OXCT1: variants seen among roughly 807,000 people sequenced by gnomAD.
The protein encoded by OXCT1 is 3-oxoacid CoA-transferase 1.
In OXCT1, 27 loss-of-function variants were observed where a neutral mutation model predicts 69.6. The observed-to-expected ratio is 0.39, with a 90% CI of 0.29 to 0.54. The LOEUF (loss-of-function observed/expected upper bound fraction) is 0.54. Ranked by LOEUF, OXCT1 falls within the 20% of genes least tolerant of loss-of-function variation. The pLI, the probability that OXCT1 is intolerant of heterozygous loss-of-function variation, is 0.72. For synonymous variants in OXCT1, 202 were observed against 217.8 expected (o/e 0.93, Z 0.64); for missense variants, 437 against 650.2 (o/e 0.67, Z 3.57).
chr5:41,745,257 C>T (rs903006897), intron 15 of OXCT1, among the ~76,000 whole-genome samples: 12 of 151,972 alleles, frequency 7.9e-5, no homozygotes, highest in African/African-American at 2.9e-4. Flanking sequence ...TCACTCAAAA[C>T]CACTCAACTA....
intron 7 of OXCT1, among the ~76,000 whole-genome samples, chr5:41,821,483 T>C (rs1747546658): frequency 1.3e-5 from 2 of 152,246 alleles, no homozygotes; most frequent in South Asian, 4.1e-4. Flanking sequence ...AGGAGTGTAA[T>C]TGCTGGATTA....
intron 15 of OXCT1, among the ~76,000 whole-genome samples, chr5:41,740,983 C>T (rs1472791487): frequency 6.7e-6 from 1 of 148,574 alleles, no homozygotes; most frequent in Non-Finnish European, 1.5e-5. Flanking sequence ...CAGAGTCTCA[C>T]TCTGTCACCC....
chr5:41,785,967 T>C lies in OXCT1; in HGVS notation c.1248+8036A>G, dbSNP rs116091127. On this transcript the variant is annotated intron_variant, in intron 13 of 16. Transcript: ENST00000196371. ...TACCTGAGAAAATTAAAGGGGCTGT[T>C]TTGCGGAAGTAACTACACTATCACT... is the stretch of plus-strand genomic sequence containing the variant. 8.0e-3 allele frequency among the ~76,000 whole-genome samples: 1,213 copies of C among 152,200 alleles called. 17 individuals carry two copies. Among genetic ancestry groups the C allele is most frequent in the African/African-American group, 0.028 (1,151 of 41,510 alleles).
chr5:41,844,012 G>A (rs896416414), intron 5 of OXCT1, among the ~76,000 whole-genome samples: 5 of 152,194 alleles, frequency 3.3e-5, no homozygotes, highest in African/African-American at 1.2e-4. Context: ...AACAATGATA[G>A]TTGAGTGTTT....
At chr5:41,822,050 T>C (rs1311199358) in intron 7 of OXCT1, among the ~76,000 whole-genome samples, 1 of 152,216 alleles carries the variant, frequency 6.6e-6, no homozygotes, top group East Asian at 1.9e-4. Flanking sequence ...TTACATTTAG[T>C]TCTTTACTCC....
intron 7 of OXCT1, among the ~76,000 whole-genome samples, chr5:41,835,184 TACTAGGAGCAA>T (rs1748291671): frequency 6.6e-6 from 1 of 152,222 alleles, no homozygotes; most frequent in African/African-American, 2.4e-5. Flanking sequence ...CGTTAGTGGC[TACTAGGAGCAA>T]CTATATGCCA....
intron 7 of OXCT1, among the ~76,000 whole-genome samples, chr5:41,819,785 T>G (rs1034778093): frequency 3.3e-5 from 5 of 152,126 alleles, no homozygotes; most frequent in African/African-American, 1.2e-4. Flanking sequence ...CAACAGCACT[T>G]GACTCACACC....
At chr5:41,825,781 T>A (rs1365875931) in intron 7 of OXCT1, among the ~76,000 whole-genome samples, 1 of 152,202 alleles carries the variant, frequency 6.6e-6, no homozygotes, top group Non-Finnish European at 1.5e-5. Context: ...GGAAGCAGCA[T>A]GAGGCCCTCA....
chr5:41,737,362 A>T, intron 16 of OXCT1, among the ~76,000 whole-genome samples: 1 of 152,338 alleles, frequency 6.6e-6, no homozygotes, highest in Non-Finnish European at 1.5e-5. Flanking sequence ...GTAAAAACTC[A>T]TATTTTCATT....
In OXCT1 at chr5:41,805,583, A is replaced by C; in HGVS notation, c.939T>G (p.Phe313Leu). 6.2e-7 allele frequency: 1 copy of C among 1,612,166 alleles called. No homozygotes were observed. Among genetic ancestry groups the C allele is most frequent in the South Asian group, 1.1e-5 (1 of 91,056 alleles). ...AAAGGATACCATACATGCCATCCTC[A>C]AACTCAAGAGCGGCCCTCTTGATGA... ...ERIIKRAALE[F>L]EDGMYANLGI... Residue 313 changes from phenylalanine (F) to leucine (L), a missense_variant, in exon 9 of 17, where the codon TTT (phenylalanine) becomes TTG (leucine). Physicochemically the swap from Phe to Leu is conservative, Grantham distance 22. This residue lies in a region of OXCT1 where 252 missense variants were observed against 397.4 expected (regional missense o/e 0.63). Coordinates refer to ENST00000196371, the MANE Select transcript of OXCT1 (RefSeq NM_000436.4).
At chr5:41,732,514 C>T (rs1207858037) in intron 16 of OXCT1, among the ~76,000 whole-genome samples, 1 of 152,124 alleles carries the variant, frequency 6.6e-6, no homozygotes, top group Non-Finnish European at 1.5e-5. Flanking sequence ...ACAGATTTTT[C>T]AAAGTGTGGT....
intron 7 of OXCT1, among the ~76,000 whole-genome samples, chr5:41,808,124 T>G (rs1481040691): frequency 6.6e-6 from 1 of 152,108 alleles, no homozygotes; most frequent in African/African-American, 2.4e-5. Flanking sequence ...CACATTAGTC[T>G]GTTATTTTAG....
rs370006668 is a variant in OXCT1, at chr5:41,831,745, T to C, written c.732+8706A>G. On this transcript the variant is annotated intron_variant, in intron 7 of 16. Coordinates refer to ENST00000196371, the MANE Select transcript of OXCT1 (RefSeq NM_000436.4). ...AGGAGTGACCATGGGTTGATAGTCA[T>C]TGGAGCTAAGGTGTTGGGCTCAGGA... Among the ~76,000 whole-genome samples, 4 of 152,288 alleles carry C rather than the reference T, an allele frequency of 2.6e-5. No individual in the cohort carries two copies. The East Asian group carries it at 7.7e-4, about 29-fold the overall frequency.
chr5:41,735,337 G>A (rs1742834897), intron 16 of OXCT1, among the ~76,000 whole-genome samples: 2 of 152,126 alleles, frequency 1.3e-5, no homozygotes, highest in Non-Finnish European at 2.9e-5. Context: ...AGCAAAATAA[G>A]CCAGTCACAA....
chr5:41,868,770 T>C (rs1006818947), intron 1 of OXCT1, among the ~76,000 whole-genome samples: 9 of 150,860 alleles, frequency 6.0e-5, no homozygotes, highest in Non-Finnish European at 7.4e-5. Flanking sequence ...GCTAGGGGAA[T>C]AGTGGAAGGC....
At chr5:41,764,600 G>A (rs774345986) in intron 13 of OXCT1, among the ~76,000 whole-genome samples, 17 of 152,146 alleles carry the variant, frequency 1.1e-4, no homozygotes, top group Non-Finnish European at 1.9e-4. Flanking sequence ...GTACAGATAA[G>A]TGTCTTTTCC....
chr5:41,731,263 A>G lies in OXCT1; in HGVS notation c.*466T>C, dbSNP rs1742606177. ...TTCTAGGGGGACAAGATGTAATCAT[A>G]AAATCTGAAGCCCCAAAAGAAAAGT... On this transcript the variant is annotated 3_prime_UTR_variant, in exon 17 of 17. Coordinates refer to ENST00000196371, the MANE Select transcript of OXCT1 (RefSeq NM_000436.4). The G allele has an allele frequency of 2.1e-6, 1 of 465,122 alleles. No individual in the cohort carries two copies. 28.8% of individuals were successfully genotyped at this position (465,122 alleles called of 1,614,324 possible).
chr5:41,733,573 A>C (rs542549709), intron 16 of OXCT1, among the ~76,000 whole-genome samples: 1 of 152,296 alleles, frequency 6.6e-6, no homozygotes, highest in East Asian at 1.9e-4. Context: ...TTTTACTACA[A>C]ATCATTTTCT....
intron 13 of OXCT1, among the ~76,000 whole-genome samples, chr5:41,788,572 A>T (rs1382889058): frequency 6.6e-6 from 1 of 152,226 alleles, no homozygotes; most frequent in African/African-American, 2.4e-5. Flanking sequence ...ATTATTGAAG[A>T]GACAAAATGA....
Sources: gnomAD v4.1 joint callset for allele counts (sites outside exome capture counted in the v4.1 genomes callset) on GRCh38, gnomAD v4.1.1 for gene constraint, gnomAD v4.1.1 regional missense constraint, MANE v1.5 for transcripts, NCBI Gene and HGNC (gene_info 2026-07-23, HGNC 2026-07-21) for gene names.